CUBN: variants seen among roughly 807,000 people sequenced by gnomAD.
The protein encoded by CUBN is cubilin.
A neutral mutation model predicts 405.3 loss-of-function variants in CUBN; 282 were observed. The observed-to-expected ratio is 0.70, with a 90% confidence interval of 0.63 to 0.77. The LOEUF (loss-of-function observed/expected upper bound fraction) is 0.77, where lower values mean the gene tolerates loss of function less well. Among genes scored for constraint, CUBN ranks in the 30% least tolerant of loss-of-function variants. The pLI, the probability that CUBN is intolerant of heterozygous loss-of-function variation, is 0.00. For missense variants in CUBN, 4,514 were observed against 4,475.2 expected (o/e 1.01, Z -0.25); for synonymous variants, 1,684 against 1,617.0 (o/e 1.04, Z -0.99).
intron 66 of CUBN, among the ~76,000 whole-genome samples, chr10:16,827,728 A>G (rs1396736510): frequency 6.6e-6 from 1 of 152,132 alleles, no homozygotes; most frequent in Admixed American, 6.5e-5. Context: ...CAGCCTCCGG[A>G]GTACTTGGGA....
chr10:16,982,912 C>T lies in CUBN; in HGVS notation c.4526-259G>A, dbSNP rs113072102. On this transcript the variant is annotated intron_variant, in intron 30 of 66. Transcript: ENST00000377833. The stretch of plus-strand genomic sequence containing the variant: ...TATTTTAAAAATAATTAAAAGGAAA[C>T]GCAAATGAAATCACGTTTTCACAAA... Among the ~76,000 whole-genome samples, 519 of 152,084 alleles carry T rather than the reference C, an allele frequency of 3.4e-3. 3 individuals are homozygous for T. The highest frequency in any genetic ancestry group is 0.012 in the African/African-American group (489 of 41,470).
intron 50 of CUBN, 49 bp downstream of exon 50, chr10:16,906,151 TAAA>T (rs1841547357): frequency 2.1e-6 from 3 of 1,396,846 alleles, no homozygotes; most frequent in Admixed American, 3.4e-5. Context: ...ACAAAAAAGA[TAAA>T]AAGAATATTG....
chr10:17,108,116 GTTA>G (rs1401748081), intron 10 of CUBN, among the ~76,000 whole-genome samples: 2 of 152,140 alleles, frequency 1.3e-5, no homozygotes, highest in African/African-American at 2.4e-5. Flanking sequence ...TTAAAAAACA[GTTA>G]TTTTTGTAAT....
chr10:16,834,370 C>A (rs987265811), intron 64 of CUBN, among the ~76,000 whole-genome samples: 2 of 151,732 alleles, frequency 1.3e-5, no homozygotes, highest in South Asian at 2.1e-4. Flanking sequence ...CACAAGGGGG[C>A]TTCTCTCTCA....
intron 49 of CUBN, among the ~76,000 whole-genome samples, chr10:16,906,647 G>C (rs45579833): frequency 2.0e-5 from 3 of 152,188 alleles, no homozygotes; most frequent in Admixed American, 6.5e-5. Flanking sequence ...TAGATTAAGT[G>C]GTGGGCGTTT....
chr10:16,831,509 C>T (rs1197416548), intron 64 of CUBN, 92 bp from the exon 65 acceptor site: 13 of 1,182,368 alleles, frequency 1.1e-5, no homozygotes, highest in South Asian at 2.4e-5. Flanking sequence ...TGACATTGGT[C>T]GGAAAAGCTT....
In CUBN at chr10:17,123,677, T is replaced by C. The variant is rs750604641; in HGVS notation, c.400A>G (p.Lys134Glu). The C allele has an allele frequency of 2.5e-6, 4 of 1,613,554 alleles. No homozygotes were observed. In the Admixed American group the frequency reaches 6.7e-5, roughly 27 times the overall value. The change falls in exon 5 of 67, where the codon AAG (lysine) becomes GAG (glutamate). Residue 134 changes from lysine to glutamate, a missense_variant. This residue lies in a region of CUBN where 1,448 missense variants were observed against 1,388.0 expected (regional missense o/e 1.04). Coordinates refer to ENST00000377833, the MANE Select transcript of CUBN (RefSeq NM_001081.4). Reference protein sequence around the residue: ...FQGLQQTVDKKVCSSNPCQNG... With the variant: ...FQGLQQTVDKEVCSSNPCQNG... ...TGGCAAGGATTGCTGCTGCAAACCT[T>C]TTTGTCAACAGTCTGAAACAAAAAC... is the stretch of plus-strand genomic sequence containing the variant.
chr10:16,903,907 G>C, intron 51 of CUBN, 59 bp downstream of exon 51: 1 of 255,554 alleles, frequency 3.9e-6, no homozygotes, highest in South Asian at 5.0e-5. Context: ...AAATCTTTAT[G>C]GAAAAAAATC....
intron 22 of CUBN, among the ~76,000 whole-genome samples, chr10:17,048,135 T>C (rs777442011): frequency 6.6e-5 from 10 of 152,266 alleles, no homozygotes; most frequent in Non-Finnish European, 1.0e-4. Context: ...TGTACTTCTC[T>C]AAGCCTTAGT....
Position 16,900,667 on chromosome 10 carries a change from G to A in CUBN, c.8368C>T (p.Gln2790Ter). The A allele has an allele frequency of 1.9e-6, 3 of 1,614,082 alleles. No homozygotes were observed. The highest frequency in any genetic ancestry group is 1.6e-4 in the Middle Eastern group (1 of 6,062). Residue 2790 changes from glutamine (Q) to a stop codon, truncating the protein, a stop_gained, in exon 53 of 67, where the codon CAA becomes TAA. Coordinates refer to ENST00000377833, the MANE Select transcript of CUBN (RefSeq NM_001081.4). LOFTEE classifies it high-confidence loss of function. ...VVTFNSDHSLQGGGFYATWNT... is the reference protein window; with the variant it reads ...VVTFNSDHSL ...CACGTAGCATAAAATCCACCACCTT[G>A]CAATGAATGGTCTGAGTTAAAAGTC...
At chr10:17,026,398 C>T (rs778573420) in intron 27 of CUBN, among the ~76,000 whole-genome samples, 41 of 152,042 alleles carry the variant, frequency 2.7e-4, no homozygotes, top group Non-Finnish European at 4.3e-4. Context: ...TTAGGGAAGC[C>T]GAAGCGGGTG....
chr10:17,116,224 A>C (rs1836895376), intron 6 of CUBN, among the ~76,000 whole-genome samples: 1 of 152,270 alleles, frequency 6.6e-6, no homozygotes, highest in South Asian at 2.1e-4. Context: ...GTAAGCTAGC[A>C]GTGGGTGCTT....
intron 28 of CUBN, among the ~76,000 whole-genome samples, chr10:17,017,648 G>A (rs962671584): frequency 6.6e-6 from 1 of 152,136 alleles, no homozygotes; most frequent in Admixed American, 6.5e-5. Context: ...TGTCTGAGGA[G>A]GGATCCTAAA....
chr10:17,114,632 A>G (rs928467567), intron 7 of CUBN, among the ~76,000 whole-genome samples: 4 of 152,270 alleles, frequency 2.6e-5, no homozygotes, highest in South Asian at 2.1e-4. Flanking sequence ...TTTCCATCAC[A>G]TGGGTAGAAA....
chr10:16,949,476 G>A (rs1185693580), intron 34 of CUBN, among the ~76,000 whole-genome samples: 1 of 149,230 alleles, frequency 6.7e-6, no homozygotes, highest in East Asian at 1.9e-4. Flanking sequence ...GTGTGTGTGT[G>A]TTTGTTTGTT....
intron 54 of CUBN, among the ~76,000 whole-genome samples, chr10:16,891,668 T>G (rs1841012019): frequency 6.6e-6 from 1 of 152,050 alleles, no homozygotes; most frequent in African/African-American, 2.4e-5. Flanking sequence ...GCTGAGTCAC[T>G]CAAGGAAAGT....
At chr10:16,918,403 T>C (rs1841946207) in intron 45 of CUBN, among the ~76,000 whole-genome samples, 1 of 152,120 alleles carries the variant, frequency 6.6e-6, no homozygotes, top group Non-Finnish European at 1.5e-5. Flanking sequence ...TTTAATAATA[T>C]TGATTCTTCC....
In CUBN at chr10:17,068,047, A is replaced by G. The variant is rs758975601; in HGVS notation, c.3008+17T>C. ...GTGAAGTTTTATTGTTAAACAAACA[A>G]ACAAACATAACCTTACCTTCCAAGG... On this transcript the variant is annotated intron_variant, in intron 21 of 66. Coordinates refer to ENST00000377833, the MANE Select transcript of CUBN (RefSeq NM_001081.4). 20 of 1,592,336 alleles carry G rather than the reference A, an allele frequency of 1.3e-5. No individual in the cohort carries two copies. In the African/African-American group the frequency reaches 2.4e-4, roughly 19 times the overall value.
At chr10:16,917,418 TAA>T (rs1244562712) in intron 45 of CUBN, among the ~76,000 whole-genome samples, 7 of 152,224 alleles carry the variant, frequency 4.6e-5, no homozygotes, top group East Asian at 1.9e-4. Context: ...AAATTAGACA[TAA>T]GAGATTAACA....
Sources: gnomAD v4.1 joint callset for allele counts (sites outside exome capture counted in the v4.1 genomes callset) on GRCh38, gnomAD v4.1.1 for gene constraint, gnomAD v4.1.1 regional missense constraint, MANE v1.5 for transcripts, NCBI Gene and HGNC (gene_info 2026-07-23, HGNC 2026-07-21) for gene names.